Variants in BANK1 observed in about 807,000 individuals in gnomAD.
The protein encoded by BANK1 is B cell scaffold protein with ankyrin repeats 1, also known as B-cell scaffold protein with ankyrin repeats.
In BANK1, 95 loss-of-function variants were observed where a neutral mutation model predicts 94.5. The ratio of observed to expected loss-of-function variants is 1.00; its 90% CI spans 0.85 to 1.19. BANK1 has a LOEUF of 1.19. Among genes scored for constraint, BANK1 ranks in the 50% most tolerant of loss-of-function variants. The pLI, the probability that BANK1 is intolerant of heterozygous loss-of-function variation, is 0.00. For missense variants in BANK1, 987 were observed against 932.2 expected (o/e 1.06, Z -0.77); for synonymous variants, 334 against 308.4 (o/e 1.08, Z -0.87).
intron 7 of BANK1, among the ~76,000 whole-genome samples, chr4:101,986,046 T>C (rs1327773613): frequency 6.6e-6 from 1 of 152,144 alleles, no homozygotes; most frequent in East Asian, 1.9e-4. Context: ...CTTAGGAATA[T>C]GAAGGTGAAT....
At chr4:101,840,030 G>A (rs2148867318) in intron 2 of BANK1, among the ~76,000 whole-genome samples, 1 of 116,466 alleles carries the variant, frequency 8.6e-6, no homozygotes, top group South Asian at 2.9e-4. Flanking sequence ...GTGCAGTGGC[G>A]GGATCTCGGC....
At chr4:101,968,363 A>G (rs1724833981) in intron 7 of BANK1, among the ~76,000 whole-genome samples, 1 of 152,158 alleles carries the variant, frequency 6.6e-6, no homozygotes, top group South Asian at 2.1e-4. Flanking sequence ...CAATGTAGGC[A>G]TAGAAGATAA....
chr4:102,021,450 C>A (rs949366458), intron 7 of BANK1, 64 bp from the exon 8 acceptor site: 7 of 592,506 alleles, frequency 1.2e-5, no homozygotes, highest in South Asian at 2.9e-5. Context: ...TTCTTATTTG[C>A]ACAGGCATCC....
At chr4:101,953,469 T>G (rs1724238737) in intron 7 of BANK1, among the ~76,000 whole-genome samples, 1 of 152,072 alleles carries the variant, frequency 6.6e-6, no homozygotes. Context: ...TAGAACAAAT[T>G]ATGCTAGTAC....
chr4:101,898,338 A>G lies in BANK1; in HGVS notation c.1009+2928A>G, dbSNP rs532404207. The stretch of plus-strand genomic sequence containing the variant: ...TTAAGTTACCTTTATACATATATTA[A>G]TCAAGGGAATTGGAAAGAGAAATGG... On this transcript the variant is annotated intron_variant, in intron 6 of 16. Coordinates refer to ENST00000322953, the MANE Select transcript of BANK1 (RefSeq NM_017935.5). 3.9e-5 allele frequency among the ~76,000 whole-genome samples: 6 copies of G among 152,124 alleles called. No individual in the cohort carries two copies. In the East Asian group the frequency reaches 7.7e-4, roughly 20 times the overall value.
intron 7 of BANK1, among the ~76,000 whole-genome samples, chr4:101,934,366 AAG>A (rs1723457407): frequency 6.6e-6 from 1 of 151,396 alleles, no homozygotes. Context: ...TTGACATACT[AAG>A]AAGCTACGAT....
intron 7 of BANK1, among the ~76,000 whole-genome samples, chr4:101,927,870 A>G (rs11944263): frequency 0.012 from 1,817 of 151,766 alleles, 44 homozygotes; most frequent in African/African-American, 0.04. Flanking sequence ...GAGTACCAAC[A>G]GAAAAAGCCA....
At chr4:101,816,379 T>A (rs1371938895) in intron 1 of BANK1, among the ~76,000 whole-genome samples, 1 of 152,176 alleles carries the variant, frequency 6.6e-6, no homozygotes, top group Non-Finnish European at 1.5e-5. Flanking sequence ...TGTAGTTCCA[T>A]CCATAGCTCA....
chr4:101,829,873 G>A lies in BANK1; in HGVS notation c.136G>A (p.Glu46Lys). Reference protein sequence around the residue: ...DAEEWALYLTEVFLHVVKREA... With the variant: ...DAEEWALYLTKVFLHVVKREA... ...TGAGGAATGGGCTCTGTACTTGACA[G>A]AAGTATTTTTACATGTTGTGAAAAG... The change falls in exon 2 of 17, where the codon GAA (glutamate) becomes AAA (lysine). Residue 46 changes from glutamate (E) to lysine (K), a missense_variant. Glu to Lys is a moderately conservative substitution (Grantham distance 56, BLOSUM62 1). Transcript: ENST00000322953. The A allele has an allele frequency of 6.2e-7, 1 of 1,611,628 alleles. No individual in the cohort carries two copies. The highest frequency in any genetic ancestry group is 8.5e-7 in the Non-Finnish European group (1 of 1,178,168).
chr4:101,955,870 C>T (rs1724318570), intron 7 of BANK1, among the ~76,000 whole-genome samples: 1 of 152,110 alleles, frequency 6.6e-6, no homozygotes. Context: ...GTTTTTTACT[C>T]TGTAAAACGA....
Position 101,909,178 on chromosome 4 carries a change from G to T in BANK1, c.1010-8815G>T, listed in dbSNP as rs573936379. 5.7e-4 allele frequency among the ~76,000 whole-genome samples: 87 copies of T among 152,310 alleles called. 3 individuals are homozygous for T. The South Asian group carries it at 6.0e-3, about 11-fold the overall frequency. ...CAATGATAGGCTGGATTAAGAAAAT[G>T]TGGCAAATATACACCATGGAATACT... On this transcript the variant is annotated intron_variant, in intron 6 of 16. Coordinates refer to ENST00000322953, the MANE Select transcript of BANK1 (RefSeq NM_017935.5).
intron 2 of BANK1, 92 bp downstream of exon 2, chr4:101,830,298 G>C: frequency 1.9e-6 from 2 of 1,066,006 alleles, no homozygotes. Context: ...CCAATAACTG[G>C]TGTCAGGATA....
intron 11 of BANK1, among the ~76,000 whole-genome samples, chr4:102,054,848 C>T (rs184589191): frequency 9.2e-5 from 14 of 152,162 alleles, no homozygotes; most frequent in African/African-American, 3.4e-4. Flanking sequence ...AAGGATATTG[C>T]TTTTCCTTCT....
intron 2 of BANK1, among the ~76,000 whole-genome samples, chr4:101,846,393 T>A (rs1243755445): frequency 6.6e-6 from 1 of 152,196 alleles, no homozygotes; most frequent in African/African-American, 2.4e-5. Context: ...TGTGATAAAT[T>A]GACTGCTGTA....
intron 6 of BANK1, among the ~76,000 whole-genome samples, chr4:101,916,854 C>G (rs1307102111): frequency 6.6e-6 from 1 of 151,838 alleles, no homozygotes; most frequent in East Asian, 1.9e-4. Context: ...CTATTTACAC[C>G]TTGGTAATAA....
At chr4:102,043,714 A>G (rs1727778887) in intron 10 of BANK1, 125 bp from the exon 11 acceptor site, 2 of 546,952 alleles carry the variant, frequency 3.7e-6, no homozygotes, top group Admixed American at 5.6e-5. Context: ...ACTCAAAAGT[A>G]ATACAATTCA....
chr4:102,014,301 G>T (rs539716092), intron 7 of BANK1, among the ~76,000 whole-genome samples: 7 of 152,112 alleles, frequency 4.6e-5, no homozygotes, highest in African/African-American at 1.7e-4. Flanking sequence ...GGGTAACTTT[G>T]CTCTTTGCCA....
chr4:101,958,547 T>C (rs1466198589), intron 7 of BANK1, among the ~76,000 whole-genome samples: 1 of 151,192 alleles, frequency 6.6e-6, no homozygotes, highest in African/African-American at 2.4e-5. Flanking sequence ...CTGCTATTTT[T>C]CCAGAATTTC....
intron 2 of BANK1, among the ~76,000 whole-genome samples, chr4:101,848,514 A>G (rs1727342381): frequency 6.6e-6 from 1 of 152,218 alleles, no homozygotes; most frequent in Non-Finnish European, 1.5e-5. Flanking sequence ...CTACACAGTA[A>G]CTTAAGGTTT....
Sources: allele counts gnomAD v4.1 joint callset (sites outside exome capture counted in the v4.1 genomes callset), GRCh38; gene constraint gnomAD v4.1.1; transcripts MANE v1.5; gene names NCBI Gene and HGNC (gene_info 2026-07-23, HGNC 2026-07-21).